KLC1: variants seen among roughly 807,000 people sequenced by gnomAD.
KLC1 encodes the protein kinesin 2 60/70kDa.
A neutral mutation model predicts 84.2 loss-of-function variants in KLC1; 30 were observed. The observed-to-expected ratio is 0.36, with a 90% CI of 0.27 to 0.48. The LOEUF is 0.48. KLC1 is among the 20% of genes least tolerant of loss of function. The probability of loss-of-function intolerance (pLI) is 0.99; values close to 1 mark genes in which losing one functional copy is unlikely to be tolerated. For synonymous variants in KLC1, 289 were observed against 293.3 expected, an observed-to-expected ratio of 0.99 and a Z score of 0.15; for missense variants, 499 against 805.4, an observed-to-expected ratio of 0.62 and a Z score of 4.60.
At chr14:103,650,735 C>T (rs1567014844) in intron 1 of KLC1, among the ~76,000 whole-genome samples, 1 of 151,844 alleles carries the variant, frequency 6.6e-6, no homozygotes, top group African/African-American at 2.4e-5. Flanking sequence ...CCTGCCACCA[C>T]GCCTGGCTAA....
At chr14:103,687,047 C>A (rs1284994878) in intron 13 of KLC1, 34 bp from the exon 14 acceptor site, 2 of 1,498,796 alleles carry the variant, frequency 1.3e-6, no homozygotes, top group Admixed American at 4.0e-5. Context: ...GGGAGAACCA[C>A]CTGCAGCTTC....
chr14:103,644,504 C>G (rs2077748172), intron 1 of KLC1, among the ~76,000 whole-genome samples: 3 of 152,074 alleles, frequency 2.0e-5, no homozygotes, highest in Non-Finnish European at 2.9e-5. Flanking sequence ...CCTGATCCAC[C>G]CGCTTCAGCC....
rs143673474 is a variant in KLC1 at position 103,653,180 on chromosome 14, G to A, written c.-1-1384G>A. Among the ~76,000 whole-genome samples the A allele has an allele frequency of 3.9e-5, 6 of 152,076 alleles. No individual in the cohort carries two copies. The East Asian group carries it at 7.7e-4, about 20-fold the overall frequency. On this transcript the variant is annotated intron_variant, in intron 1 of 16. Transcript: ENST00000334553. Reference sequence around the variant, plus strand: ...TTTTAAAGAGACAGGGTCTTGCTCCGTCACCCAGGCTAGAGTGCAGAGGTA... The same window carrying A: ...TTTTAAAGAGACAGGGTCTTGCTCCATCACCCAGGCTAGAGTGCAGAGGTA...
chr14:103,674,012 C>A (rs1373099911), intron 9 of KLC1, among the ~76,000 whole-genome samples: 1 of 152,078 alleles, frequency 6.6e-6, no homozygotes, highest in Non-Finnish European at 1.5e-5. Context: ...TGCCCAGAGC[C>A]CATAACATGT....
chr14:103,664,730 G>A (rs904142691), intron 5 of KLC1, among the ~76,000 whole-genome samples: 5 of 151,244 alleles, frequency 3.3e-5, no homozygotes, highest in South Asian at 4.2e-4. Context: ...GCCCAGGCTG[G>A]TCTCGAACTC....
chr14:103,678,909 T>C (rs1311118642), intron 12 of KLC1, among the ~76,000 whole-genome samples: 1 of 152,160 alleles, frequency 6.6e-6, no homozygotes, highest in Non-Finnish European at 1.5e-5. Flanking sequence ...TATAGAAATA[T>C]TAACTGAAAT....
Position 103,685,598 on chromosome 14 carries a change from C to T in KLC1, c.1651-1483C>T, listed in dbSNP as rs192692200. The T allele has an allele frequency of 2.5e-4, 317 of 1,289,268 alleles. 1 individual carries two copies. The African/African-American group carries it at 3.5e-3, about 14-fold the overall frequency. 79.9% of individuals were successfully genotyped at this position (1,289,268 alleles called of 1,614,324 possible). On this transcript the variant is annotated intron_variant, in intron 13 of 16. Coordinates refer to ENST00000334553, the MANE Select transcript of KLC1 (RefSeq NM_001394837.1). Reference sequence around the variant, plus strand: ...CAGAGCCTGTTGCCTTTCCTCGCCGCGGTTTCACGTGGGTTTTCTCTCTCC... The same window carrying T: ...CAGAGCCTGTTGCCTTTCCTCGCCGTGGTTTCACGTGGGTTTTCTCTCTCC...
At chr14:103,638,915 G>GTC (rs777679376) in intron 1 of KLC1, among the ~76,000 whole-genome samples, 2 of 152,076 alleles carry the variant, frequency 1.3e-5, no homozygotes, top group Non-Finnish European at 2.9e-5. Context: ...GTGTGTGTGT[G>GTC]TGCGTGCATG....
intron 1 of KLC1, among the ~76,000 whole-genome samples, chr14:103,643,165 AAATG>A (rs2077623321): frequency 6.6e-6 from 1 of 152,268 alleles, no homozygotes; most frequent in Non-Finnish European, 1.5e-5. Flanking sequence ...TTACATTAAT[AAATG>A]AGGAAAGAGA....
intron 1 of KLC1, among the ~76,000 whole-genome samples, chr14:103,648,032 C>T (rs1355173058): frequency 1.3e-5 from 2 of 151,654 alleles, no homozygotes; most frequent in Non-Finnish European, 2.9e-5. Context: ...CTCACTGCAA[C>T]CTCTGCCTCC....
intron 15 of KLC1, chr14:103,700,073 G>A: frequency 4.4e-6 from 1 of 228,304 alleles, no homozygotes; most frequent in Admixed American, 5.2e-5. Context: ...AGCAAGGCAG[G>A]GGCCTGATGC....
Position 103,694,504 on chromosome 14 carries a change from C to CT in KLC1, c.1848+2080dup, listed in dbSNP as rs781053812. 18 of 985,374 alleles carry CT rather than the reference C, an allele frequency of 1.8e-5. No homozygotes were observed. Among genetic ancestry groups the CT allele is most frequent in the African/African-American group, 5.2e-5 (3 of 57,248 alleles). 61.0% of individuals were successfully genotyped at this position (985,374 alleles called of 1,614,324 possible). ...ATGGAATGAGGGAGCACGGTGGACT[C>CT]TGACAGGAACCTTTTCAAATCAATG... On this transcript the variant is annotated intron_variant, in intron 15 of 16. Transcript: ENST00000334553. The surrounding 1 kb of genome is among the most constrained non-coding windows in gnomAD (Gnocchi z 4.5).
In KLC1 at chr14:103,685,914, T is replaced by G; in HGVS notation, c.1651-1167T>G. ...CTGTGTAATACACGAGTTTAAAAAT[T>G]AAGAGCGATTAGCTGTTCACTTTGG... On this transcript the variant is annotated intron_variant, in intron 13 of 16. Coordinates refer to ENST00000334553, the MANE Select transcript of KLC1 (RefSeq NM_001394837.1). 5 of 1,124,736 alleles carry G rather than the reference T, an allele frequency of 4.4e-6. 1 individual carries two copies. In the South Asian group the frequency reaches 1.0e-4, roughly 23 times the overall value. The allele number at this position is 1,124,736 out of a possible 1,614,324, so 69.7% of individuals were successfully genotyped here.
At chr14:103,679,226 C>A (rs951708144) in intron 12 of KLC1, 158 bp from the exon 13 acceptor site, 166 of 926,392 alleles carry the variant, frequency 1.8e-4, no homozygotes, top group Non-Finnish European at 2.1e-4. Flanking sequence ...TTCCCCGCCT[C>A]CACCCTCACC....
At chr14:103,696,907 C>A in intron 15 of KLC1, 1 of 985,372 alleles carries the variant, frequency 1.0e-6, no homozygotes, top group Non-Finnish European at 1.2e-6. Context: ...GCCAGGCCAG[C>A]CCGTCTGCAG....
chr14:103,701,423 T>TC lies in KLC1; in HGVS notation c.*227dup, dbSNP rs2083187416. On this transcript the variant is annotated 3_prime_UTR_variant, in exon 17 of 17. Transcript: ENST00000334553. ...TGGTGCCCTGGTGCGGCGTGGTCTCTCCCAGGAGACCTGGGGCATGAGCTG... is the reference window on the plus strand; with the variant it reads ...TGGTGCCCTGGTGCGGCGTGGTCTCTCCCCAGGAGACCTGGGGCATGAGCTG... 2.1e-6 allele frequency: 1 copy of TC among 474,314 alleles called. No homozygotes were observed. The highest frequency in any genetic ancestry group is 1.9e-5 in the African/African-American group (1 of 51,286). 29.4% of individuals were successfully genotyped at this position (474,314 alleles called of 1,614,324 possible).
intron 15 of KLC1, chr14:103,697,601 A>C (rs551092637): frequency 6.6e-6 from 1 of 152,380 alleles, no homozygotes; most frequent in East Asian, 1.9e-4. Context: ...AGACAGCAAG[A>C]AGCAGGTCCT....
intron 3 of KLC1, among the ~76,000 whole-genome samples, chr14:103,658,454 T>A (rs8005885): frequency 0.28 from 36,988 of 132,370 alleles, 5,984 homozygotes; most frequent in Non-Finnish European, 0.36. Context: ...TTTTTTTTTT[T>A]AGTAGAGATG....
At chr14:103,636,302 A>G (rs572406527) in intron 1 of KLC1, among the ~76,000 whole-genome samples, 1 of 151,970 alleles carries the variant, frequency 6.6e-6, no homozygotes, top group African/African-American at 2.4e-5. Context: ...GCTCACTGCA[A>G]CCTCTGCCTC....
Sources: gnomAD v4.1 joint callset for allele counts (sites outside exome capture counted in the v4.1 genomes callset) on GRCh38, gnomAD v4.1.1 for gene constraint, Gnocchi (gnomAD v3.1) non-coding constraint, MANE v1.5 for transcripts, NCBI Gene and HGNC (gene_info 2026-07-23, HGNC 2026-07-21) for gene names.